The following KAT6B variants were observed in gnomAD, a reference collection of about 807,000 sequenced individuals.
The protein encoded by KAT6B is histone acetyltransferase KAT6B.
A neutral mutation model predicts 187.5 loss-of-function variants in KAT6B; 10 were observed. The observed-to-expected ratio is 0.05, with a 90% CI of 0.03 to 0.09. KAT6B has a LOEUF of 0.09. KAT6B is among the 10% of genes least tolerant of loss of function. The probability of loss-of-function intolerance (pLI) is 1.00; values close to 1 mark genes in which losing one functional copy is unlikely to be tolerated. For missense variants in KAT6B, 1,952 were observed against 2,558.9 expected, an observed-to-expected ratio of 0.76 and a Z score of 5.12; for synonymous variants, 861 against 926.8, an observed-to-expected ratio of 0.93 and a Z score of 1.29.
In KAT6B at chr10:74,877,020, G is replaced by A. The variant is rs149735936; in HGVS notation, c.621+33542G>A. Among the ~76,000 whole-genome samples, 259 of 151,988 alleles carry A rather than the reference G, an allele frequency of 1.7e-3. 3 individuals carry two copies. The East Asian group carries it at 0.027, about 16-fold the overall frequency. On this transcript the variant is annotated intron_variant, in intron 3 of 17. Transcript: ENST00000287239. ...CTCGCTCTGTTGCTCAGGCTGGAGC[G>A]CAATGGTGCAATCTCGGCTCACTGC...
chr10:74,898,681 G>A (rs1461145780), intron 3 of KAT6B, among the ~76,000 whole-genome samples: 1 of 152,130 alleles, frequency 6.6e-6, no homozygotes, highest in African/African-American at 2.4e-5. Flanking sequence ...TTCCACTTGG[G>A]TGTCCTGGCT....
chr10:75,024,932 T>A (rs759957722), intron 16 of KAT6B, 26 bp from the exon 17 acceptor site: 6 of 1,607,652 alleles, frequency 3.7e-6, no homozygotes, highest in Non-Finnish European at 4.3e-6. Flanking sequence ...TGAGCTCTTA[T>A]GTGTTATGTT....
chr10:74,834,231 C>T (rs1318520689), intron 1 of KAT6B, among the ~76,000 whole-genome samples: 2 of 150,058 alleles, frequency 1.3e-5, no homozygotes, highest in African/African-American at 4.9e-5. Flanking sequence ...TGGATTCTGG[C>T]TCTGTTGCCA....
At chr10:74,827,258 T>A (rs1030873059) in intron 1 of KAT6B, 1 of 150,730 alleles carries the variant, frequency 6.6e-6, no homozygotes, top group African/African-American at 2.5e-5. Context: ...GACCGAGGGG[T>A]GTGTGAGGGC....
intron 13 of KAT6B, among the ~76,000 whole-genome samples, chr10:75,010,654 G>A (rs1477193293): frequency 1.3e-5 from 2 of 152,120 alleles, no homozygotes; most frequent in Admixed American, 6.5e-5. Flanking sequence ...CAACCATCCT[G>A]TCTCCCAAAC....
intron 1 of KAT6B, among the ~76,000 whole-genome samples, chr10:74,833,293 T>G (rs951353436): frequency 1.3e-5 from 2 of 152,094 alleles, no homozygotes; most frequent in South Asian, 4.1e-4. Flanking sequence ...CTAAATTTAG[T>G]TGATTATTTC....
chr10:75,023,070 C>G (rs1252773051), intron 16 of KAT6B, among the ~76,000 whole-genome samples: 1 of 152,220 alleles, frequency 6.6e-6, no homozygotes, highest in African/African-American at 2.4e-5. Flanking sequence ...ATTACTGAAT[C>G]TCCTCAGATC....
At chr10:74,973,860 C>G (rs761050672) in intron 7 of KAT6B, among the ~76,000 whole-genome samples, 25 of 152,066 alleles carry the variant, frequency 1.6e-4, no homozygotes, top group Non-Finnish European at 3.1e-4. Context: ...CAACATGGGT[C>G]CATATCCTCA....
At chr10:74,930,167 C>T (rs1848774603) in intron 3 of KAT6B, among the ~76,000 whole-genome samples, 2 of 152,176 alleles carry the variant, frequency 1.3e-5, no homozygotes, top group Non-Finnish European at 2.9e-5. Context: ...AGGTAATCCA[C>T]CCACTTCGGC....
chr10:75,031,177 T>TTA lies in KAT6B; in HGVS notation c.*131_*132insTA. On this transcript the variant is annotated 3_prime_UTR_variant, in exon 18 of 18. Transcript: ENST00000287239. ...AAAACATTTGTTGGCACCATTTATT[T>TTA]AAAAAAAAAAAAAGCTGTATGCAGC... 1.3e-6 allele frequency: 1 copy of TTA among 769,102 alleles called. No individual in the cohort carries two copies. Among genetic ancestry groups the TTA allele is most frequent in the East Asian group, 3.5e-5 (1 of 28,812 alleles). 47.6% of individuals were successfully genotyped at this position (769,102 alleles called of 1,614,324 possible).
At position 74,856,248 on chromosome 10, in the gene KAT6B, G is replaced by T. The variant is rs936491471; in HGVS notation, c.621+12770G>T. Among the ~76,000 whole-genome samples the T allele has an allele frequency of 3.9e-5, 6 of 152,184 alleles. No individual in the cohort carries two copies. In the East Asian group the frequency reaches 1.2e-3, roughly 29 times the overall value. ...CTACAGGTGCGTGCCACCATGCCCG[G>T]CTAACTTTTTTTATTTTTAGTAGTG... is the stretch of plus-strand genomic sequence containing the variant. On this transcript the variant is annotated intron_variant, in intron 3 of 17. Transcript: ENST00000287239.
intron 3 of KAT6B, among the ~76,000 whole-genome samples, chr10:74,903,207 G>T (rs1232314910): frequency 6.6e-6 from 1 of 152,154 alleles, no homozygotes; most frequent in Non-Finnish European, 1.5e-5. Flanking sequence ...ATGGTCCAGT[G>T]TGGGTAGCAG....
chr10:75,000,592 A>G (rs997766914), intron 13 of KAT6B, among the ~76,000 whole-genome samples: 1 of 152,174 alleles, frequency 6.6e-6, no homozygotes. Flanking sequence ...TAGAGACCAG[A>G]TAAACTTGCC....
intron 1 of KAT6B, among the ~76,000 whole-genome samples, chr10:74,830,014 C>G (rs1233491062): frequency 8.0e-6 from 1 of 125,512 alleles, no homozygotes; most frequent in Non-Finnish European, 1.6e-5. Context: ...GAGACTCTGT[C>G]TCAAAAAAAA....
At chr10:74,876,679 C>T (rs539467152) in intron 3 of KAT6B, among the ~76,000 whole-genome samples, 7 of 151,972 alleles carry the variant, frequency 4.6e-5, no homozygotes, top group Admixed American at 1.3e-4. Context: ...TTTGGGAGGC[C>T]GAGGTGGTCG....
At chr10:74,910,882 G>A (rs1847156366) in intron 3 of KAT6B, among the ~76,000 whole-genome samples, 1 of 151,904 alleles carries the variant, frequency 6.6e-6, no homozygotes, top group Admixed American at 6.6e-5. Context: ...TTGGGCTTGA[G>A]GTATTTTTAT....
At position 75,028,652 on chromosome 10, in the gene KAT6B, G is replaced by T. The variant is rs141935235; in HGVS notation, c.3828G>T (p.Pro1276=). The change falls in exon 18 of 18, where the codon CCG becomes CCT. Residue 1276 remains proline (P), a synonymous_variant. Transcript: ENST00000287239. ...GATTTAAACTGAATTTGTACACCCC[G>T]CCAGAAACACCCATGGAGCCTGACG... ...KTGFKLNLYT[P]PETPMEPDEQ... The T allele has an allele frequency of 1.2e-6, 2 of 1,614,068 alleles. No homozygotes were observed. The highest frequency in any genetic ancestry group is 1.7e-5 in the Admixed American group (1 of 60,016).
rs79915119 is a variant in KAT6B, at chr10:74,979,636, T to TA, written c.2231+310dup. On this transcript the variant is annotated intron_variant, in intron 10 of 17. Transcript: ENST00000287239. ...ATGTTGGTTTTGTATGAAACCAAATTAAAAAAAAAAAAAGAAATTTGCCAT... is the reference window on the plus strand; with the variant it reads ...ATGTTGGTTTTGTATGAAACCAAATTAAAAAAAAAAAAAAGAAATTTGCCAT... Among the ~76,000 whole-genome samples the TA allele has an allele frequency of 7.1e-3, 1,011 of 141,710 alleles. 12 individuals carry two copies. Among genetic ancestry groups the TA allele is most frequent in the African/African-American group, 0.023 (911 of 38,900 alleles). The allele number at this position is 141,710 out of a possible 152,430, so 93.0% of individuals were successfully genotyped here.
chr10:75,010,092 T>C (rs1844492186), intron 13 of KAT6B, among the ~76,000 whole-genome samples: 1 of 152,024 alleles, frequency 6.6e-6, no homozygotes, highest in African/African-American at 2.4e-5. Context: ...CTAGCTCCGC[T>C]ACCCAGGGTG....
Sources: gnomAD v4.1 joint callset for allele counts (sites outside exome capture counted in the v4.1 genomes callset) on GRCh38, gnomAD v4.1.1 for gene constraint, MANE v1.5 for transcripts, NCBI Gene and HGNC (gene_info 2026-07-23, HGNC 2026-07-21) for gene names.